Variants in NTRK3 observed in about 807,000 individuals in gnomAD.
The protein encoded by NTRK3 is NT-3 growth factor receptor.
A neutral mutation model predicts 91.7 loss-of-function variants in NTRK3; 24 were observed. The observed-to-expected ratio is 0.26, with a 90% CI of 0.19 to 0.37. NTRK3 has a LOEUF of 0.37. Ranked by LOEUF, NTRK3 falls within the 10% of genes least tolerant of loss-of-function variation. The pLI is 1.00. For missense variants in NTRK3, 880 were observed against 1,068.9 expected, an observed-to-expected ratio of 0.82 and a Z score of 2.46; for synonymous variants, 483 against 404.0, an observed-to-expected ratio of 1.20 and a Z score of -2.34.
intron 5 of NTRK3, among the ~76,000 whole-genome samples, chr15:88,174,796 G>A (rs904380514): frequency 6.6e-6 from 1 of 152,192 alleles, no homozygotes; most frequent in African/African-American, 2.4e-5. Flanking sequence ...CCCATCTCGG[G>A]TCAGCAGCCC....
exon 19 of NTRK3, chr15:87,865,692 T>C: frequency 4.5e-6 from 1 of 221,812 alleles, no homozygotes; most frequent in Non-Finnish European, 9.0e-6. Context: ...CAGAACCTTA[T>C]GAAAGCAAGA....
Position 88,051,846 on chromosome 15 carries a change from G to A in NTRK3, c.1397-18801C>T, listed in dbSNP as rs556077043. Among the ~76,000 whole-genome samples the A allele has an allele frequency of 3.9e-5, 6 of 152,332 alleles. No individual in the cohort carries two copies. The South Asian group carries it at 1.2e-3, about 32-fold the overall frequency. On this transcript the variant is annotated intron_variant, in intron 13 of 18. Coordinates refer to ENST00000394480, the Ensembl canonical transcript of NTRK3. ...TTCTTCTTTTAATATAGCCACTAAT[G>A]ACAGCATCTATATGCCCTAAAGTCT... is the stretch of plus-strand genomic sequence containing the variant.
At chr15:88,236,783 A>AAC (rs2051819118) in intron 3 of NTRK3, among the ~76,000 whole-genome samples, 1 of 142,750 alleles carries the variant, frequency 7.0e-6, no homozygotes, top group African/African-American at 2.6e-5. Context: ...AAAAAAAAAA[A>AAC]AAAAAACACT....
At chr15:87,894,355 C>G (rs1260495130) in intron 17 of NTRK3, among the ~76,000 whole-genome samples, 1 of 152,204 alleles carries the variant, frequency 6.6e-6, no homozygotes, top group Non-Finnish European at 1.5e-5. Context: ...CATGGCTGCA[C>G]ATAATGGGTT....
intron 14 of NTRK3, among the ~76,000 whole-genome samples, chr15:88,030,741 C>G (rs1273244520): frequency 6.6e-6 from 1 of 151,860 alleles, no homozygotes; most frequent in Non-Finnish European, 1.5e-5. Context: ...TGAGACTCAA[C>G]AAGGAGATAT....
chr15:88,256,261 G>T, intron 2 of NTRK3, 23 bp downstream of exon 2: 1 of 236,760 alleles, frequency 4.2e-6, no homozygotes, highest in Non-Finnish European at 8.0e-6. Context: ...AGGGAGGGGG[G>T]AAGGGGGAGG....
intron 14 of NTRK3, among the ~76,000 whole-genome samples, chr15:87,980,311 TAA>T (rs2074112860): frequency 1.3e-5 from 2 of 152,004 alleles, no homozygotes; most frequent in Admixed American, 6.5e-5. Flanking sequence ...AAAGTGTGTG[TAA>T]AGAGTGTGTG....
At chr15:88,188,603 G>T (rs1039830560) in intron 3 of NTRK3, among the ~76,000 whole-genome samples, 14 of 152,222 alleles carry the variant, frequency 9.2e-5, no homozygotes, top group African/African-American at 2.9e-4. Context: ...TTTTGAAAAT[G>T]ACTGCTTTGC....
intron 14 of NTRK3, among the ~76,000 whole-genome samples, chr15:88,020,464 A>C (rs1236178227): frequency 6.6e-6 from 1 of 152,184 alleles, no homozygotes; most frequent in African/African-American, 2.4e-5. Context: ...TTCTTTTTTC[A>C]GAAATAAATC....
At chr15:87,982,510 G>T (rs2074375733) in intron 14 of NTRK3, among the ~76,000 whole-genome samples, 1 of 152,182 alleles carries the variant, frequency 6.6e-6, no homozygotes, top group African/African-American at 2.4e-5. Context: ...CAGCACAAAG[G>T]TACCTGTAGG....
At chr15:88,018,737 T>C (rs762051184) in intron 14 of NTRK3, among the ~76,000 whole-genome samples, 6 of 152,152 alleles carry the variant, frequency 3.9e-5, no homozygotes, top group Non-Finnish European at 8.8e-5. Context: ...AGCTACCTCA[T>C]AGGATTTTTA....
In NTRK3 at chr15:88,147,505, C is replaced by CCTT. The variant is rs34299110; in HGVS notation, c.396-105_396-103dup. Reference sequence around the variant, plus strand: ...TTTCACTGGAGCCTGGCTTTGTTTTCCTTCTTCTTCTTCTTCTTCTTCTTC... The same window carrying CCTT: ...TTTCACTGGAGCCTGGCTTTGTTTTCCTTCTTCTTCTTCTTCTTCTTCTTCTTC... On this transcript the variant is annotated intron_variant, in intron 5 of 18. Transcript: ENST00000394480. 32,036 of 659,050 alleles carry CCTT rather than the reference C, an allele frequency of 0.049. 301 individuals carry two copies. The highest frequency in any genetic ancestry group is 0.067 in the South Asian group (4,004 of 60,026). 40.8% of individuals were successfully genotyped at this position (659,050 alleles called of 1,614,324 possible). A position where few individuals can be genotyped will look rare whatever the true frequency, so the allele number is the denominator to read the frequency against.
Position 88,162,906 on chromosome 15 carries a change from C to T in NTRK3, c.396-15503G>A, listed in dbSNP as rs1210360586. Among the ~76,000 whole-genome samples, 4 of 152,170 alleles carry T rather than the reference C, an allele frequency of 2.6e-5. No individual in the cohort carries two copies. In the East Asian group the frequency reaches 7.7e-4, roughly 29 times the overall value. The stretch of plus-strand genomic sequence containing the variant: ...TAGACCTTCTAGGTCTGTACATGAG[C>T]AGTTGCTGCCTTGGTCCAGCACTGT... On this transcript the variant is annotated intron_variant, in intron 5 of 18. Coordinates refer to ENST00000394480, the Ensembl canonical transcript of NTRK3.
intron 13 of NTRK3, among the ~76,000 whole-genome samples, chr15:88,039,164 C>T (rs952817798): frequency 4.8e-5 from 7 of 145,512 alleles, no homozygotes; most frequent in East Asian, 4.0e-4. Flanking sequence ...CACACACACA[C>T]GCACAGAAAC....
At chr15:88,095,674 G>T (rs979292023) in intron 13 of NTRK3, among the ~76,000 whole-genome samples, 1 of 152,182 alleles carries the variant, frequency 6.6e-6, no homozygotes, top group African/African-American at 2.4e-5. Flanking sequence ...ACCCTCCCCA[G>T]GTTTAGAAGG....
chr15:88,256,618 A>G (rs1387111321), intron 1 of NTRK3, 26 bp downstream of exon 1: 5 of 466,066 alleles, frequency 1.1e-5, no homozygotes, highest in Non-Finnish European at 1.8e-5. Flanking sequence ...CAAAACACAC[A>G]CACTCACTCT....
chr15:88,197,368 T>C (rs1265934268), intron 3 of NTRK3, among the ~76,000 whole-genome samples: 1 of 152,198 alleles, frequency 6.6e-6, no homozygotes, highest in East Asian at 1.9e-4. Flanking sequence ...AGCAACCCTT[T>C]CAGCTTTCAT....
intron 13 of NTRK3, among the ~76,000 whole-genome samples, chr15:88,042,179 C>T (rs935681178): frequency 5.3e-5 from 8 of 152,254 alleles, no homozygotes; most frequent in South Asian, 2.1e-4. Context: ...ACTCATAAAA[C>T]GGAATAAGTG....
At chr15:87,908,702 T>C (rs1262070082) in intron 17 of NTRK3, 5 of 395,482 alleles carry the variant, frequency 1.3e-5, no homozygotes, top group African/African-American at 8.2e-5. Context: ...GTGTCTCTCC[T>C]GGGCAGGGCC....
Sources: allele counts gnomAD v4.1 joint callset (sites outside exome capture counted in the v4.1 genomes callset), GRCh38; gene constraint gnomAD v4.1.1; transcripts MANE v1.5; gene names NCBI Gene and HGNC (gene_info 2026-07-23, HGNC 2026-07-21).